The following UNC5D variants were observed in gnomAD, a reference collection of about 807,000 sequenced individuals.
UNC5D encodes the protein netrin receptor UNC5D.
Under a neutral mutation model 105.4 loss-of-function variants are expected in UNC5D, and 39 were observed. The ratio of observed to expected loss-of-function variants is 0.37; its 90% CI spans 0.29 to 0.48. The LOEUF is 0.48. UNC5D is among the 20% of genes least tolerant of loss of function. The pLI is 0.98. For synonymous variants in UNC5D, 452 were observed against 450.4 expected (o/e 1.00, Z -0.04); for missense variants, 991 against 1,202.4 (o/e 0.82, Z 2.60).
At chr8:35,269,639 T>C (rs1023337961) in intron 1 of UNC5D, among the ~76,000 whole-genome samples, 2 of 152,256 alleles carry the variant, frequency 1.3e-5, no homozygotes, top group Non-Finnish European at 2.9e-5. Flanking sequence ...TTCTTCTGTT[T>C]GGCACAATGC....
chr8:35,275,815 T>A (rs933610979), intron 1 of UNC5D, among the ~76,000 whole-genome samples: 1 of 152,276 alleles, frequency 6.6e-6, no homozygotes, highest in Non-Finnish European at 1.5e-5. Context: ...TTGTGTGCCT[T>A]AACTTTTATA....
intron 4 of UNC5D, among the ~76,000 whole-genome samples, chr8:35,611,676 A>G (rs1053689294): frequency 8.5e-5 from 13 of 152,208 alleles, no homozygotes; most frequent in African/African-American, 3.1e-4. Flanking sequence ...GTATTAGAAC[A>G]TATTTGTCAC....
At chr8:35,535,482 A>G (rs1468925397) in intron 1 of UNC5D, among the ~76,000 whole-genome samples, 2 of 151,488 alleles carry the variant, frequency 1.3e-5, no homozygotes, top group African/African-American at 4.8e-5. Flanking sequence ...GTCAAATGCC[A>G]AAATCTTGAG....
intron 3 of UNC5D, among the ~76,000 whole-genome samples, chr8:35,570,487 TCCA>T (rs1290250821): frequency 6.6e-6 from 1 of 152,208 alleles, no homozygotes; most frequent in African/African-American, 2.4e-5. Context: ...TATTTGATTC[TCCA>T]CCACCATCTT....
chr8:35,392,684 C>G (rs528616536), intron 1 of UNC5D, among the ~76,000 whole-genome samples: 2 of 152,236 alleles, frequency 1.3e-5, no homozygotes, highest in Non-Finnish European at 2.9e-5. Flanking sequence ...TCCCTTTTGC[C>G]ATATAAAGTA....
At position 35,493,741 on chromosome 8, in the gene UNC5D, T is replaced by C. The variant is rs545091613; in HGVS notation, c.104-55551T>C. The stretch of plus-strand genomic sequence containing the variant: ...TTATTGTGTTTTTCTATATGAAGTT[T>C]GTTTTGTAGAATGCTTTAAAAATGG... On this transcript the variant is annotated intron_variant, in intron 1 of 16. Transcript: ENST00000404895. 1.8e-3 allele frequency among the ~76,000 whole-genome samples: 272 copies of C among 152,290 alleles called. 1 individual carries two copies. Among genetic ancestry groups the C allele is most frequent in the African/African-American group, 6.3e-3 (260 of 41,578 alleles).
intron 1 of UNC5D, among the ~76,000 whole-genome samples, chr8:35,451,729 C>A (rs1001524951): frequency 1.3e-5 from 2 of 152,124 alleles, no homozygotes; most frequent in African/African-American, 4.8e-5. Flanking sequence ...GCATACAGGG[C>A]GTTTTTAGTT....
intron 1 of UNC5D, among the ~76,000 whole-genome samples, chr8:35,242,301 G>A (rs1802852598): frequency 6.6e-6 from 1 of 152,252 alleles, no homozygotes; most frequent in South Asian, 2.1e-4. Context: ...GAGGGGAAAT[G>A]ACATCACAGA....
intron 1 of UNC5D, among the ~76,000 whole-genome samples, chr8:35,512,118 C>A (rs557469863): frequency 6.6e-6 from 1 of 152,066 alleles, no homozygotes; most frequent in African/African-American, 2.4e-5. Flanking sequence ...CACCTCACTT[C>A]GTTAGACTAT....
chr8:35,330,754 C>T (rs1810555343), intron 1 of UNC5D, among the ~76,000 whole-genome samples: 1 of 152,130 alleles, frequency 6.6e-6, no homozygotes, highest in Non-Finnish European at 1.5e-5. Flanking sequence ...ATGAAAAAAC[C>T]TATAAAATTT....
intron 1 of UNC5D, among the ~76,000 whole-genome samples, chr8:35,479,901 G>T (rs1288211709): frequency 1.3e-5 from 2 of 152,028 alleles, no homozygotes; most frequent in East Asian, 1.9e-4. Context: ...TAACAAATCT[G>T]CACACATAGC....
intron 7 of UNC5D, among the ~76,000 whole-genome samples, chr8:35,696,556 A>G (rs957690447): frequency 7.9e-5 from 12 of 152,094 alleles, no homozygotes; most frequent in Admixed American, 2.0e-4. Context: ...CAAGAACCCA[A>G]TCAGGGAAGT....
At chr8:35,386,177 A>G (rs1285645954) in intron 1 of UNC5D, among the ~76,000 whole-genome samples, 3 of 152,202 alleles carry the variant, frequency 2.0e-5, no homozygotes, top group African/African-American at 7.2e-5. Context: ...TTCTAGGAGT[A>G]AGAAGTATTC....
chr8:35,371,484 C>T (rs892524082), intron 1 of UNC5D, among the ~76,000 whole-genome samples: 1 of 152,074 alleles, frequency 6.6e-6, no homozygotes, highest in African/African-American at 2.4e-5. Context: ...ATGTTAGAGA[C>T]ATGCAAAACT....
At chr8:35,703,433 G>A (rs1827342395) in intron 7 of UNC5D, among the ~76,000 whole-genome samples, 1 of 152,136 alleles carries the variant, frequency 6.6e-6, no homozygotes, top group African/African-American at 2.4e-5. Context: ...TCTGATCCTG[G>A]TCTACTAATG....
chr8:35,370,273 C>T (rs1267953349), intron 1 of UNC5D, among the ~76,000 whole-genome samples: 2 of 152,176 alleles, frequency 1.3e-5, no homozygotes, highest in East Asian at 1.9e-4. Context: ...GGTGCTCTGC[C>T]GTGGCATATG....
intron 11 of UNC5D, among the ~76,000 whole-genome samples, chr8:35,731,399 CAAAAAAAAAAAAAAAAA>C (rs57529561): frequency 1.3e-4 from 4 of 30,656 alleles, no homozygotes; most frequent in African/African-American, 1.9e-4. Flanking sequence ...ACTCTGTCTC[CAAAAAAAAAAAAAAAAA>C]AAAAAAAAAA....
chr8:35,302,379 G>A lies in UNC5D; in HGVS notation c.103+66492G>A, dbSNP rs534513911. Among the ~76,000 whole-genome samples the A allele has an allele frequency of 2.0e-5, 3 of 152,320 alleles. No homozygotes were observed. The South Asian group carries it at 6.2e-4, about 32-fold the overall frequency. On this transcript the variant is annotated intron_variant, in intron 1 of 16. Coordinates refer to ENST00000404895, the MANE Select transcript of UNC5D (RefSeq NM_080872.4). ...GCTAAACCAAATACAACTGAAAAAT[G>A]ATGCAACAAAATGACCTTATCACCA...
At position 35,659,639 on chromosome 8, in the gene UNC5D, T is replaced by C. The variant is rs190103217; in HGVS notation, c.571-23908T>C. On this transcript the variant is annotated intron_variant, in intron 4 of 16. Transcript: ENST00000404895. Reference sequence around the variant, plus strand: ...GCGCATGCACACCGACATGCATGCATCTATGTGGAGGTATGAACTCATGCA... The same window carrying C: ...GCGCATGCACACCGACATGCATGCACCTATGTGGAGGTATGAACTCATGCA... Among the ~76,000 whole-genome samples the C allele has an allele frequency of 7.9e-5, 12 of 152,288 alleles. No homozygotes were observed. In the East Asian group the frequency reaches 1.9e-3, roughly 25 times the overall value.
Sources: allele counts gnomAD v4.1 joint callset (sites outside exome capture counted in the v4.1 genomes callset), GRCh38; gene constraint gnomAD v4.1.1; transcripts MANE v1.5; gene names NCBI Gene and HGNC (gene_info 2026-07-23, HGNC 2026-07-21).